Variants in SCHIP1 observed in about 807,000 individuals in gnomAD.
SCHIP1 encodes the protein schwannomin-interacting protein 1.
A neutral mutation model predicts 29.7 loss-of-function variants in SCHIP1; 8 were observed. That is an observed-to-expected ratio of 0.27 (90% CI 0.16 to 0.49). SCHIP1 has a LOEUF of 0.49. Ranked by LOEUF, SCHIP1 falls within the 20% of genes least tolerant of loss-of-function variation. The probability of loss-of-function intolerance (pLI) is 0.99; values close to 1 mark genes in which losing one functional copy is unlikely to be tolerated. For synonymous variants in SCHIP1, 76 were observed against 94.9 expected (o/e 0.80, Z 1.16); for missense variants, 193 against 294.6 (o/e 0.66, Z 2.52).
At chr3:159,508,708 C>T in the SCHIP1 span, among the ~76,000 whole-genome samples, 1 of 152,104 alleles carries the variant, frequency 6.6e-6, no homozygotes, top group African/African-American at 2.4e-5. Context: ...TTTATTTCTG[C>T]CTTCATTTTG....
chr3:159,724,472 G>T, the SCHIP1 span, among the ~76,000 whole-genome samples: 1 of 152,128 alleles, frequency 6.6e-6, no homozygotes, highest in East Asian at 1.9e-4. Flanking sequence ...CTTTCAAAGG[G>T]TATATTGATA....
At chr3:159,784,696 C>T in the SCHIP1 span, among the ~76,000 whole-genome samples, 63 of 152,332 alleles carry the variant, frequency 4.1e-4, no homozygotes, top group African/African-American at 1.5e-3. Flanking sequence ...TTGTGACGCC[C>T]AGGCTGGAGT....
chr3:159,642,542 T>C, the SCHIP1 span, among the ~76,000 whole-genome samples: 1 of 152,124 alleles, frequency 6.6e-6, no homozygotes, highest in Non-Finnish European at 1.5e-5. Flanking sequence ...ATTTATTCAT[T>C]CCATGAACAA....
the SCHIP1 span, among the ~76,000 whole-genome samples, chr3:159,679,426 G>A: frequency 1.3e-5 from 2 of 152,212 alleles, no homozygotes; most frequent in South Asian, 2.1e-4. Flanking sequence ...ACAAGTTGTA[G>A]ATGAAGTAAT....
At chr3:159,775,122 T>A in the SCHIP1 span, among the ~76,000 whole-genome samples, 1 of 152,226 alleles carries the variant, frequency 6.6e-6, no homozygotes, top group Non-Finnish European at 1.5e-5. Flanking sequence ...TTCTGCAAAT[T>A]CATCAATTCA....
rs563739095 is a variant in SCHIP1 at position 159,862,438 on chromosome 3, G to A, written c.31-3725G>A. Reference sequence around the variant, plus strand: ...AACTATAATGCTACCATCTATCACAGACTTACATTACCACAGGTCAGGTAC... The same window carrying A: ...AACTATAATGCTACCATCTATCACAAACTTACATTACCACAGGTCAGGTAC... On this transcript the variant is annotated intron_variant, in intron 1 of 6. Transcript: ENST00000445224. Among the ~76,000 whole-genome samples, 4 of 152,278 alleles carry A rather than the reference G, an allele frequency of 2.6e-5. No individual in the cohort carries two copies. In the East Asian group the frequency reaches 7.7e-4, roughly 29 times the overall value.
At chr3:159,869,453 T>C (rs754933802) in intron 2 of SCHIP1, among the ~76,000 whole-genome samples, 3 of 151,964 alleles carry the variant, frequency 2.0e-5, no homozygotes, top group Non-Finnish European at 2.9e-5. Flanking sequence ...GTTTTCCTTA[T>C]ATATGACCAT....
chr3:159,283,539 C>A, the SCHIP1 span, among the ~76,000 whole-genome samples: 2 of 149,722 alleles, frequency 1.3e-5, no homozygotes, highest in South Asian at 2.1e-4. Flanking sequence ...GACGGAGTTT[C>A]GCTCTTGTTG....
chr3:159,445,321 A>C, the SCHIP1 span, among the ~76,000 whole-genome samples: 1 of 151,784 alleles, frequency 6.6e-6, no homozygotes. Flanking sequence ...TCAAAACCAC[A>C]ATGAGATACC....
the SCHIP1 span, among the ~76,000 whole-genome samples, chr3:159,828,388 C>CATATGTATATATGTAT: frequency 1.5e-5 from 1 of 65,328 alleles, no homozygotes; most frequent in African/African-American, 4.6e-5. Context: ...TATATATATA[C>CATATGTATATATGTAT]ATATATACGT....
the SCHIP1 span, among the ~76,000 whole-genome samples, chr3:159,460,614 A>G: frequency 1.3e-5 from 2 of 152,242 alleles, no homozygotes; most frequent in Admixed American, 6.5e-5. Context: ...GGAAATTTCC[A>G]GTTTTAGCCC....
the SCHIP1 span, among the ~76,000 whole-genome samples, chr3:159,448,248 T>G: frequency 6.6e-6 from 1 of 151,872 alleles, no homozygotes; most frequent in Non-Finnish European, 1.5e-5. Context: ...CTGAGGCGGG[T>G]GGATCATGAG....
the SCHIP1 span, among the ~76,000 whole-genome samples, chr3:159,611,475 A>T: frequency 6.9e-6 from 1 of 145,974 alleles, no homozygotes; most frequent in Non-Finnish European, 1.5e-5. Context: ...TGGGAGTTGA[A>T]CAGTGAGAAC....
At chr3:159,681,927 G>GGGTTAACTCAACGTTAACTTA in the SCHIP1 span, among the ~76,000 whole-genome samples, 20 of 83,266 alleles carry the variant, frequency 2.4e-4, 1 homozygote, top group African/African-American at 1.2e-3. Flanking sequence ...AGGTTAACTT[G>GGGTTAACTCAACGTTAACTTA]GGTTAACTTG....
At chr3:159,428,796 C>G in the SCHIP1 span, among the ~76,000 whole-genome samples, 4 of 152,046 alleles carry the variant, frequency 2.6e-5, no homozygotes, top group African/African-American at 9.7e-5. Flanking sequence ...GGAACCAACC[C>G]AAATGTCCAA....
chr3:159,282,098 A>G, the SCHIP1 span, among the ~76,000 whole-genome samples: 72 of 152,224 alleles, frequency 4.7e-4, no homozygotes, highest in Non-Finnish European at 9.1e-4. Context: ...CTATGCCACT[A>G]TAGTTATCAA....
the SCHIP1 span, among the ~76,000 whole-genome samples, chr3:159,807,625 G>A: frequency 1.3e-5 from 2 of 152,140 alleles, no homozygotes; most frequent in East Asian, 3.9e-4. Flanking sequence ...TGTGTGTGCT[G>A]AATAGATGAT....
At chr3:159,558,088 A>G in the SCHIP1 span, among the ~76,000 whole-genome samples, 1 of 152,318 alleles carries the variant, frequency 6.6e-6, no homozygotes, top group East Asian at 1.9e-4. Context: ...TTCATCTGGG[A>G]TGCTCATGTA....
the SCHIP1 span, among the ~76,000 whole-genome samples, chr3:159,300,190 G>A: frequency 6.1e-5 from 8 of 131,596 alleles, no homozygotes; most frequent in East Asian, 9.4e-4. Context: ...TGGCATAATC[G>A]TAGCTCACTG....
Sources: gnomAD v4.1 joint callset for allele counts (sites outside exome capture counted in the v4.1 genomes callset) on GRCh38, gnomAD v4.1.1 for gene constraint, MANE v1.5 for transcripts, NCBI Gene and HGNC (gene_info 2026-07-23, HGNC 2026-07-21) for gene names.